MNAT1: variants seen among roughly 807,000 people sequenced by gnomAD.
MNAT1 encodes the protein MNAT1 component of CDK activating kinase.
MNAT1 carries 43 observed loss-of-function variants against 42.0 expected under a neutral mutation model. The observed-to-expected ratio is 1.02, with a 90% CI of 0.80 to 1.32. The LOEUF (loss-of-function observed/expected upper bound fraction) is 1.32, where lower values mean the gene tolerates loss of function less well. Ranked by LOEUF, MNAT1 falls within the 40% of genes most tolerant of loss-of-function variation. The pLI is 0.00. For missense variants in MNAT1, 306 were observed against 350.4 expected, an observed-to-expected ratio of 0.87 and a Z score of 1.01; for synonymous variants, 118 against 120.0, an observed-to-expected ratio of 0.98 and a Z score of 0.11.
chr14:60,813,357 G>A (rs1189764283), intron 5 of MNAT1, among the ~76,000 whole-genome samples: 1 of 152,230 alleles, frequency 6.6e-6, no homozygotes, highest in Non-Finnish European at 1.5e-5. Flanking sequence ...GAGTGCAGTG[G>A]GTCTAGTAGA....
At chr14:60,803,983 A>G (rs1031653008) in intron 3 of MNAT1, among the ~76,000 whole-genome samples, 2 of 152,194 alleles carry the variant, frequency 1.3e-5, no homozygotes, top group Non-Finnish European at 2.9e-5. Context: ...GATTATCTCA[A>G]AGGTTTATTC....
chr14:60,804,746 T>C (rs2032315962), intron 3 of MNAT1, among the ~76,000 whole-genome samples: 1 of 152,176 alleles, frequency 6.6e-6, no homozygotes, highest in Non-Finnish European at 1.5e-5. Context: ...GGGCCTCATG[T>C]TGACCAGGCT....
chr14:60,883,724 T>TTG (rs142739950), intron 7 of MNAT1, among the ~76,000 whole-genome samples: 2 of 152,006 alleles, frequency 1.3e-5, no homozygotes, highest in African/African-American at 4.8e-5. Context: ...GGAATATCTT[T>TTG]TGTGTGTGTG....
At chr14:60,944,447 A>G (rs999845406) in intron 7 of MNAT1, among the ~76,000 whole-genome samples, 1 of 152,242 alleles carries the variant, frequency 6.6e-6, no homozygotes, top group Non-Finnish European at 1.5e-5. Flanking sequence ...AAGGCCAGGA[A>G]GAGAGCCCTC....
At chr14:60,794,585 G>C (rs1289557968) in intron 1 of MNAT1, among the ~76,000 whole-genome samples, 2 of 134,126 alleles carry the variant, frequency 1.5e-5, no homozygotes, top group Admixed American at 1.7e-4. Flanking sequence ...ACGATTGCCT[G>C]AATCTGGGAG....
intron 7 of MNAT1, among the ~76,000 whole-genome samples, chr14:60,947,109 T>A (rs2036292350): frequency 6.6e-6 from 1 of 151,638 alleles, no homozygotes; most frequent in Admixed American, 6.6e-5. Flanking sequence ...ACATTGAGAG[T>A]AGGGGCTTCA....
intron 7 of MNAT1, among the ~76,000 whole-genome samples, chr14:60,958,682 G>A (rs1185011955): frequency 7.7e-6 from 1 of 130,236 alleles, no homozygotes. Context: ...TGTCACCCAG[G>A]CTGGAGTGCA....
In MNAT1 at chr14:60,808,371, A is replaced by G. The variant is rs1354438814; in HGVS notation, c.363A>G (p.Lys121=). 6.3e-7 allele frequency: 1 copy of G among 1,588,240 alleles called. No homozygotes were observed. The highest frequency in any genetic ancestry group is 1.2e-5 in the South Asian group (1 of 85,316). The part of the protein sequence containing the change: ...NNVDLDNTKK[K]MEIYQKENKD... ...TGGATTTGGACAACACCAAAAAGAA[A>G]ATGGAGATATACCAAAAGGAAAACA... The change falls in exon 4 of 8, where the codon AAA becomes AAG. Residue 121 remains lysine (K), a synonymous_variant. Transcript: ENST00000261245.
chr14:60,857,269 G>A (rs571860535), intron 6 of MNAT1, among the ~76,000 whole-genome samples: 10 of 152,150 alleles, frequency 6.6e-5, no homozygotes, highest in African/African-American at 1.4e-4. Context: ...TGGAAGTTTC[G>A]GAAGAAGTTA....
At chr14:60,854,118 G>T (rs1161380371) in intron 6 of MNAT1, among the ~76,000 whole-genome samples, 1 of 152,090 alleles carries the variant, frequency 6.6e-6, no homozygotes. Context: ...TATGCTTCAC[G>T]AAGTTCTCGT....
chr14:60,748,078 C>T (rs2029909193), intron 1 of MNAT1, among the ~76,000 whole-genome samples: 1 of 152,054 alleles, frequency 6.6e-6, no homozygotes, highest in Non-Finnish European at 1.5e-5. Context: ...CACCTGTAGT[C>T]CCAAGCTACT....
chr14:60,801,946 AAAG>A (rs1186479739), intron 3 of MNAT1, among the ~76,000 whole-genome samples: 1 of 152,246 alleles, frequency 6.6e-6, no homozygotes, highest in African/African-American at 2.4e-5. Flanking sequence ...CAGCCTTAAA[AAAG>A]AAGGTAATTC....
In MNAT1 at chr14:60,765,060, G is replaced by A. The variant is rs112256706; in HGVS notation, c.89+30109G>A. 5.6e-4 allele frequency among the ~76,000 whole-genome samples: 86 copies of A among 152,276 alleles called. 1 individual carries two copies. The highest frequency in any genetic ancestry group is 1.9e-3 in the African/African-American group (79 of 41,564). On this transcript the variant is annotated intron_variant, in intron 1 of 7. Transcript: ENST00000261245. ...GAGGTCAGGAGTTCGAGACCAGCCCGGCCAACATGGTGAAACCCCCGTTTC... is the reference window on the plus strand; with the variant it reads ...GAGGTCAGGAGTTCGAGACCAGCCCAGCCAACATGGTGAAACCCCCGTTTC...
intron 7 of MNAT1, among the ~76,000 whole-genome samples, chr14:60,905,129 G>A (rs1240328670): frequency 6.6e-6 from 1 of 152,012 alleles, no homozygotes; most frequent in Non-Finnish European, 1.5e-5. Flanking sequence ...CTGTGTGCCA[G>A]TTACTGTTCT....
chr14:60,738,480 T>TA (rs1896372731), intron 1 of MNAT1, among the ~76,000 whole-genome samples: 1 of 152,092 alleles, frequency 6.6e-6, no homozygotes, highest in Non-Finnish European at 1.5e-5. Context: ...GGTCTCGAAC[T>TA]ACTGACTTCG....
intron 7 of MNAT1, among the ~76,000 whole-genome samples, chr14:60,914,538 G>GT (rs1182786838): frequency 8.1e-6 from 1 of 124,218 alleles, no homozygotes; most frequent in Non-Finnish European, 1.7e-5. Context: ...ATTTAGTTGT[G>GT]TAGAGGCACA....
chr14:60,797,396 A>AT (rs1233033143), intron 2 of MNAT1, among the ~76,000 whole-genome samples: 1 of 151,998 alleles, frequency 6.6e-6, no homozygotes, highest in Non-Finnish European at 1.5e-5. Flanking sequence ...AGTCGCTTCA[A>AT]TTTTTTGTGT....
At position 60,878,332 on chromosome 14, in the gene MNAT1, C is replaced by A. The variant is rs542110439; in HGVS notation, c.688-1382C>A. 7.2e-5 allele frequency among the ~76,000 whole-genome samples: 11 copies of A among 152,108 alleles called. No homozygotes were observed. The South Asian group carries it at 1.7e-3, about 23-fold the overall frequency. On this transcript the variant is annotated intron_variant, in intron 6 of 7. Transcript: ENST00000261245. The stretch of plus-strand genomic sequence containing the variant: ...AGGAATTTAACTATGTCAGCGAAAT[C>A]TTTTTTTATTATTATTACTGAAGAA...
chr14:60,896,262 CTT>C (rs1199960178), intron 7 of MNAT1, among the ~76,000 whole-genome samples: 3 of 152,122 alleles, frequency 2.0e-5, no homozygotes, highest in Non-Finnish European at 4.4e-5. Context: ...AGTGGGAAAA[CTT>C]AACTGCTAAT....
Sources: gnomAD v4.1 joint callset for allele counts (sites outside exome capture counted in the v4.1 genomes callset) on GRCh38, gnomAD v4.1.1 for gene constraint, MANE v1.5 for transcripts, NCBI Gene and HGNC (gene_info 2026-07-23, HGNC 2026-07-21) for gene names.